Variants in MAML3 observed in about 807,000 individuals in gnomAD.
MAML3 encodes the protein mastermind-like protein 3.
Under a neutral mutation model 101.9 loss-of-function variants are expected in MAML3, and 27 were observed. The ratio of observed to expected loss-of-function variants is 0.27; its 90% confidence interval spans 0.20 to 0.37. The LOEUF (loss-of-function observed/expected upper bound fraction) is 0.37. MAML3 is among the 10% of genes least tolerant of loss of function. MAML3 has a pLI of 1.00. For synonymous variants in MAML3, 501 were observed against 555.9 expected (o/e 0.90, Z 1.39); for missense variants, 1,316 against 1,444.9 (o/e 0.91, Z 1.45).
At position 140,147,518 on chromosome 4, in the gene MAML3, G is replaced by A. The variant is rs116601356; in HGVS notation, c.468+5342C>T. 3.3e-3 allele frequency among the ~76,000 whole-genome samples: 510 copies of A among 152,256 alleles called. 5 individuals carry two copies. The highest frequency in any genetic ancestry group is 0.017 in the Middle Eastern group (5 of 294). The stretch of plus-strand genomic sequence containing the variant: ...GACCAAAAGGTTGGCAGCAGGTGGG[G>A]GGAAGGAAAAACAAAGCAAGCAGCC... On this transcript the variant is annotated intron_variant, in intron 1 of 4. Coordinates refer to ENST00000509479, the MANE Select transcript of MAML3 (RefSeq NM_018717.5).
intron 1 of MAML3, among the ~76,000 whole-genome samples, chr4:140,014,505 T>A (rs778910193): frequency 1.3e-5 from 2 of 152,168 alleles, no homozygotes; most frequent in Non-Finnish European, 2.9e-5. Flanking sequence ...CAGAAATTAG[T>A]CATTCGACAA....
At chr4:140,092,647 G>A (rs993110797) in intron 1 of MAML3, among the ~76,000 whole-genome samples, 3 of 152,206 alleles carry the variant, frequency 2.0e-5, no homozygotes, top group African/African-American at 7.2e-5. Flanking sequence ...TGTGCCATCA[G>A]GGGCCAGGCC....
rs79763262 is a variant in MAML3 at position 140,056,206 on chromosome 4, A to G, written c.468+96654T>C. Among the ~76,000 whole-genome samples, 311 of 152,278 alleles carry G rather than the reference A, an allele frequency of 2.0e-3. 6 individuals are homozygous for G. The East Asian group carries it at 0.054, about 27-fold the overall frequency. ...TGCTGCAGGGGGAATTCCCTTTACC[A>G]AATTAACTGGTGTTCAGAGTAAGAA... is the stretch of plus-strand genomic sequence containing the variant. On this transcript the variant is annotated intron_variant, in intron 1 of 4. Transcript: ENST00000509479.
chr4:139,861,033 G>T (rs1731771794), intron 2 of MAML3, among the ~76,000 whole-genome samples: 1 of 151,908 alleles, frequency 6.6e-6, no homozygotes, highest in South Asian at 2.1e-4. Flanking sequence ...TATACATAAA[G>T]ATATATACAT....
intron 2 of MAML3, among the ~76,000 whole-genome samples, chr4:139,789,866 G>T (rs933568122): frequency 1.3e-5 from 2 of 152,024 alleles, no homozygotes; most frequent in East Asian, 3.9e-4. Flanking sequence ...GAGGGACTTG[G>T]ACATGGGGGT....
chr4:140,095,628 C>T (rs1339610690), intron 1 of MAML3, among the ~76,000 whole-genome samples: 5 of 152,094 alleles, frequency 3.3e-5, no homozygotes, highest in Non-Finnish European at 7.4e-5. Flanking sequence ...TTCCAGGGGC[C>T]GCCTAACACA....
intron 1 of MAML3, among the ~76,000 whole-genome samples, chr4:139,935,415 A>G (rs1178403827): frequency 3.9e-5 from 6 of 152,176 alleles, no homozygotes; most frequent in African/African-American, 1.4e-4. Context: ...AAGCAATAAA[A>G]ATATATTCTG....
chr4:140,150,828 C>T (rs968494819), intron 1 of MAML3, among the ~76,000 whole-genome samples: 12 of 152,190 alleles, frequency 7.9e-5, no homozygotes, highest in African/African-American at 2.4e-4. Flanking sequence ...GGACCGGCCC[C>T]GCCTCCGGCT....
intron 1 of MAML3, among the ~76,000 whole-genome samples, chr4:140,130,074 C>T (rs1400873512): frequency 2.6e-5 from 4 of 151,994 alleles, no homozygotes; most frequent in South Asian, 2.1e-4. Context: ...TTAGCAGAGG[C>T]ACAGACATAA....
chr4:139,767,462 T>C lies in MAML3; in HGVS notation c.2080-36795A>G, dbSNP rs551213499. Among the ~76,000 whole-genome samples the C allele has an allele frequency of 6.8e-4, 103 of 152,356 alleles. 1 individual carries two copies. The highest frequency in any genetic ancestry group is 1.2e-3 in the Admixed American group (18 of 15,302). Reference sequence around the variant, plus strand: ...TTCCTTACGCTTATGAAACCAGCCATGTAAATGAGTGATGCTTCCTTTTTT... The same window carrying C: ...TTCCTTACGCTTATGAAACCAGCCACGTAAATGAGTGATGCTTCCTTTTTT... On this transcript the variant is annotated intron_variant, in intron 2 of 4. Transcript: ENST00000509479.
intron 2 of MAML3, among the ~76,000 whole-genome samples, chr4:139,798,210 A>G (rs1259203152): frequency 1.3e-5 from 2 of 152,194 alleles, no homozygotes; most frequent in African/African-American, 4.8e-5. Context: ...TTCATAATAC[A>G]ATAAGAAAAA....
chr4:139,909,251 TA>T (rs1408057589), intron 1 of MAML3, among the ~76,000 whole-genome samples: 1 of 152,186 alleles, frequency 6.6e-6, no homozygotes, highest in Non-Finnish European at 1.5e-5. Flanking sequence ...ATTATGTCTA[TA>T]AAACAGTTGG....
At chr4:139,759,746 A>G (rs1187581880) in intron 2 of MAML3, among the ~76,000 whole-genome samples, 2 of 152,134 alleles carry the variant, frequency 1.3e-5, no homozygotes, top group Non-Finnish European at 2.9e-5. Flanking sequence ...ATTTTTTTGC[A>G]TCTGTGGTTA....
chr4:139,842,509 C>CACTTTT lies in MAML3; in HGVS notation c.2079+46847_2079+46848insAAAAGT, dbSNP rs200589690. On this transcript the variant is annotated intron_variant, in intron 2 of 4. Transcript: ENST00000509479. ...TCTTCCCACAATCCTAGAAAGGAGG[C>CACTTTT]ATTTTTATTTTTATTTTTATTTGTT... is the stretch of plus-strand genomic sequence containing the variant. 3.3e-5 allele frequency among the ~76,000 whole-genome samples: 4 copies of CACTTTT among 122,126 alleles called. No individual in the cohort carries two copies. In the East Asian group the frequency reaches 1.4e-3, roughly 42 times the overall value. The allele number at this position is 122,126 out of a possible 152,430, so 80.1% of individuals were successfully genotyped here. A position where few individuals can be genotyped will look rare whatever the true frequency, so the allele number is the denominator to read the frequency against.
chr4:139,973,176 T>C (rs1324018449), intron 1 of MAML3, among the ~76,000 whole-genome samples: 1 of 152,204 alleles, frequency 6.6e-6, no homozygotes, highest in Non-Finnish European at 1.5e-5. Context: ...GAAATCATGC[T>C]ATGGTCAACT....
At chr4:140,058,566 G>GTATA (rs10545710) in intron 1 of MAML3, among the ~76,000 whole-genome samples, 4 of 148,434 alleles carry the variant, frequency 2.7e-5, no homozygotes, top group Non-Finnish European at 6.0e-5. Context: ...TATAATACAT[G>GTATA]TATATATATA....
intron 1 of MAML3, among the ~76,000 whole-genome samples, chr4:140,090,138 T>C (rs1369296441): frequency 6.6e-6 from 1 of 152,238 alleles, no homozygotes; most frequent in Non-Finnish European, 1.5e-5. Flanking sequence ...TTAAGACTGA[T>C]GAACAGGTTT....
chr4:139,808,815 C>A (rs1432081289), intron 2 of MAML3, among the ~76,000 whole-genome samples: 4 of 152,154 alleles, frequency 2.6e-5, no homozygotes, highest in Non-Finnish European at 5.9e-5. Flanking sequence ...ATACATGGCT[C>A]ACTGAGCTTA....
Position 139,744,127 on chromosome 4 carries a change from ACT to A in MAML3, c.2080-13462_2080-13461del, listed in dbSNP as rs1322218611. On this transcript the variant is annotated intron_variant, in intron 2 of 4. Transcript: ENST00000509479. ...GTAGGAACCTAGAGAGGTCTGGAAT[ACT>A]CTGATTCACCTTCTGCTAAGAGACT... Among the ~76,000 whole-genome samples, 25 of 152,248 alleles carry A rather than the reference ACT, an allele frequency of 1.6e-4. No individual in the cohort carries two copies. In the East Asian group the frequency reaches 4.6e-3, roughly 28 times the overall value.
Sources: gnomAD v4.1 joint callset for allele counts (sites outside exome capture counted in the v4.1 genomes callset) on GRCh38, gnomAD v4.1.1 for gene constraint, MANE v1.5 for transcripts, NCBI Gene and HGNC (gene_info 2026-07-23, HGNC 2026-07-21) for gene names.